SYN2: variants seen among roughly 807,000 people sequenced by gnomAD.
SYN2 encodes synapsin-2.
A neutral mutation model predicts 50.9 loss-of-function variants in SYN2; 19 were observed. That is an observed-to-expected ratio of 0.37 (90% CI 0.26 to 0.55). SYN2 has a LOEUF of 0.55. SYN2 is among the 20% of genes least tolerant of loss of function. SYN2 has a pLI of 0.81. For missense variants in SYN2, 587 were observed against 576.4 expected (o/e 1.02, Z -0.19); for synonymous variants, 255 against 224.9 (o/e 1.13, Z -1.20).
chr3:12,095,191 G>A (rs1479519030), intron 1 of SYN2, among the ~76,000 whole-genome samples: 1 of 151,794 alleles, frequency 6.6e-6, no homozygotes, highest in East Asian at 2.0e-4. Flanking sequence ...TTACTCTTCA[G>A]CTCACTACAG....
chr3:12,078,288 T>A (rs1695514334), intron 1 of SYN2, among the ~76,000 whole-genome samples: 1 of 152,208 alleles, frequency 6.6e-6, no homozygotes, highest in Non-Finnish European at 1.5e-5. Context: ...GATTATAGTT[T>A]TTTGCTGTGC....
At chr3:12,131,261 G>A (rs75079961) in intron 1 of SYN2, among the ~76,000 whole-genome samples, 6,911 of 152,220 alleles carry the variant, frequency 0.045, 223 homozygotes, top group Middle Eastern at 0.1. Flanking sequence ...CAAACAGAAG[G>A]GTGAGACCAA....
intron 6 of SYN2, 126 bp from the exon 7 acceptor site, chr3:12,161,886 G>T: frequency 7.4e-7 from 1 of 1,357,686 alleles, no homozygotes; most frequent in Non-Finnish European, 1.0e-6. Context: ...GGGGAGATGT[G>T]GCACCCAGAT....
chr3:12,035,265 G>T (rs1023698343), intron 1 of SYN2, among the ~76,000 whole-genome samples: 1 of 152,190 alleles, frequency 6.6e-6, no homozygotes, highest in African/African-American at 2.4e-5. Flanking sequence ...CTGCCCCCTT[G>T]GCTTTGCTGG....
chr3:12,036,525 G>T (rs978651627), intron 1 of SYN2, among the ~76,000 whole-genome samples: 1 of 152,186 alleles, frequency 6.6e-6, no homozygotes, highest in African/African-American at 2.4e-5. Context: ...CACTGTACTG[G>T]CATGCAGGGA....
At chr3:12,133,182 T>G (rs1264690101) in intron 1 of SYN2, among the ~76,000 whole-genome samples, 1 of 152,238 alleles carries the variant, frequency 6.6e-6, no homozygotes, top group Non-Finnish European at 1.5e-5. Flanking sequence ...GTGCCTTACT[T>G]GCAGAGCATT....
intron 1 of SYN2, among the ~76,000 whole-genome samples, chr3:12,108,514 G>T (rs308961): frequency 0.33 from 50,092 of 152,122 alleles, 9,252 homozygotes; most frequent in Non-Finnish European, 0.41. Flanking sequence ...GGAGATAGGA[G>T]TGGGAAGAGG....
intron 9 of SYN2, among the ~76,000 whole-genome samples, chr3:12,169,028 T>C (rs1330753858): frequency 2.6e-5 from 4 of 152,312 alleles, no homozygotes; most frequent in African/African-American, 9.6e-5. Flanking sequence ...TACTAGGAGT[T>C]GGTGGTATTT....
At chr3:12,060,847 C>A (rs190477587) in intron 1 of SYN2, among the ~76,000 whole-genome samples, 50 of 152,260 alleles carry the variant, frequency 3.3e-4, no homozygotes, top group African/African-American at 1.1e-3. Flanking sequence ...AATTACAAGT[C>A]ATGCTAAAGG....
intron 1 of SYN2, among the ~76,000 whole-genome samples, chr3:12,085,343 GT>G (rs1695673333): frequency 8.7e-6 from 1 of 115,340 alleles, no homozygotes; most frequent in South Asian, 3.3e-4. Context: ...ATATATGATT[GT>G]TATGGAATAC....
At chr3:12,143,358 G>T (rs1479439775) in intron 3 of SYN2, among the ~76,000 whole-genome samples, 1 of 152,150 alleles carries the variant, frequency 6.6e-6, no homozygotes, top group Non-Finnish European at 1.5e-5. Context: ...ATGTAATGGT[G>T]AAGTTTGGGG....
chr3:12,064,401 T>C (rs989654248), intron 1 of SYN2, among the ~76,000 whole-genome samples: 1 of 151,994 alleles, frequency 6.6e-6, no homozygotes, highest in African/African-American at 2.4e-5. Context: ...TAAATTGAAC[T>C]TCATCAAAAT....
At chr3:12,054,666 CTTT>C (rs34636626) in intron 1 of SYN2, among the ~76,000 whole-genome samples, 1 of 141,212 alleles carries the variant, frequency 7.1e-6, no homozygotes. Flanking sequence ...CATCCTGGGA[CTTT>C]TTTTTTTTTT....
At chr3:12,152,638 C>G (rs1697333334) in intron 5 of SYN2, among the ~76,000 whole-genome samples, 2 of 152,128 alleles carry the variant, frequency 1.3e-5, no homozygotes, top group Admixed American at 1.3e-4. Flanking sequence ...TGAAATTTGC[C>G]CTCAAGAGAG....
intron 1 of SYN2, among the ~76,000 whole-genome samples, chr3:12,073,638 C>T (rs1174621905): frequency 6.6e-6 from 1 of 152,144 alleles, no homozygotes; most frequent in African/African-American, 2.4e-5. Context: ...TATTTGTGTT[C>T]ATTCTGTCAT....
intron 1 of SYN2, among the ~76,000 whole-genome samples, chr3:12,107,345 T>A (rs1696215013): frequency 6.6e-6 from 1 of 152,210 alleles, no homozygotes; most frequent in Non-Finnish European, 1.5e-5. Context: ...TCTTCCTGTT[T>A]GAGTAGATTT....
At chr3:12,154,886 G>C (rs1697410921) in intron 5 of SYN2, among the ~76,000 whole-genome samples, 1 of 152,112 alleles carries the variant, frequency 6.6e-6, no homozygotes, top group African/African-American at 2.4e-5. Context: ...TCCCACAGAA[G>C]ATATTCAATA....
At chr3:12,027,807 T>A (rs1694293376) in intron 1 of SYN2, among the ~76,000 whole-genome samples, 1 of 152,132 alleles carries the variant, frequency 6.6e-6, no homozygotes, top group African/African-American at 2.4e-5. Context: ...ATGATTGTGC[T>A]ATTAATATTT....
intron 1 of SYN2, among the ~76,000 whole-genome samples, chr3:12,130,503 G>T (rs1354851671): frequency 6.6e-6 from 1 of 152,120 alleles, no homozygotes; most frequent in Non-Finnish European, 1.5e-5. Flanking sequence ...GTTCTAATCA[G>T]ACCTTCAGTG....
Sources: allele counts gnomAD v4.1 joint callset (sites outside exome capture counted in the v4.1 genomes callset), GRCh38; gene constraint gnomAD v4.1.1; transcripts MANE v1.5; gene names NCBI Gene and HGNC (gene_info 2026-07-23, HGNC 2026-07-21).